The following AGMO variants were observed in gnomAD, a reference collection of about 807,000 sequenced individuals.
AGMO encodes glyceryl-ether monooxygenase.
A neutral mutation model predicts 60.2 loss-of-function variants in AGMO; 75 were observed. The observed-to-expected ratio is 1.25, with a 90% CI of 1.03 to 1.51. The LOEUF (loss-of-function observed/expected upper bound fraction) is 1.51, where lower values mean the gene tolerates loss of function less well. AGMO is among the 40% of genes most tolerant of loss of function. The pLI is 0.00. For synonymous variants in AGMO, 261 were observed against 177.1 expected (o/e 1.47, Z -3.76); for missense variants, 763 against 525.5 (o/e 1.45, Z -4.42).
At chr7:15,274,170 G>A (rs749663241) in intron 12 of AGMO, among the ~76,000 whole-genome samples, 4 of 152,188 alleles carry the variant, frequency 2.6e-5, no homozygotes, top group Non-Finnish European at 4.4e-5. Flanking sequence ...TTGAAAAGGA[G>A]TGGTGAGAGA....
intron 3 of AGMO, among the ~76,000 whole-genome samples, chr7:15,532,187 T>G (rs757553405): frequency 9.2e-5 from 14 of 152,214 alleles, no homozygotes; most frequent in Non-Finnish European, 2.1e-4. Context: ...TAAATATAAT[T>G]TTTGTTTTCT....
chr7:15,292,198 T>G (rs1019845564), intron 12 of AGMO, among the ~76,000 whole-genome samples: 18 of 152,194 alleles, frequency 1.2e-4, no homozygotes, highest in African/African-American at 3.9e-4. Context: ...GAGCAGAGAT[T>G]CTTCATCTTG....
intron 3 of AGMO, among the ~76,000 whole-genome samples, chr7:15,490,658 C>A (rs1040666176): frequency 5.9e-5 from 9 of 152,070 alleles, no homozygotes; most frequent in African/African-American, 2.2e-4. Flanking sequence ...ATAAACTGAA[C>A]AATCTGCAAG....
At chr7:15,280,511 A>C (rs1002769131) in intron 12 of AGMO, among the ~76,000 whole-genome samples, 1 of 152,004 alleles carries the variant, frequency 6.6e-6, no homozygotes, top group Non-Finnish European at 1.5e-5. Context: ...CCCTCCACCC[A>C]CCCTGATAGC....
At chr7:15,313,159 A>G (rs554687730) in intron 12 of AGMO, among the ~76,000 whole-genome samples, 47 of 152,306 alleles carry the variant, frequency 3.1e-4, no homozygotes, top group African/African-American at 1.1e-3. Flanking sequence ...TAAGTACACA[A>G]AGAAAACTCC....
chr7:15,274,703 T>C (rs1783727863), intron 12 of AGMO, among the ~76,000 whole-genome samples: 2 of 151,848 alleles, frequency 1.3e-5, no homozygotes, highest in African/African-American at 4.8e-5. Flanking sequence ...GGCTTTTTTT[T>C]TTTTGGTAGA....
At chr7:15,525,775 G>C (rs1240769084) in intron 3 of AGMO, among the ~76,000 whole-genome samples, 2 of 152,092 alleles carry the variant, frequency 1.3e-5, no homozygotes, top group Non-Finnish European at 2.9e-5. Context: ...GCTGGAGAGG[G>C]GTAACGGGCT....
chr7:15,491,067 A>C (rs1271735271), intron 3 of AGMO, among the ~76,000 whole-genome samples: 1 of 152,174 alleles, frequency 6.6e-6, no homozygotes, highest in Non-Finnish European at 1.5e-5. Flanking sequence ...TAATCTGCCC[A>C]TTGTTAAATT....
chr7:15,239,697 C>T (rs1371660961), intron 12 of AGMO, among the ~76,000 whole-genome samples: 1 of 152,100 alleles, frequency 6.6e-6, no homozygotes, highest in Non-Finnish European at 1.5e-5. Context: ...GTAAATCAAT[C>T]AGGGCGTTTT....
intron 10 of AGMO, among the ~76,000 whole-genome samples, chr7:15,384,104 A>G (rs1783813001): frequency 6.6e-6 from 1 of 151,536 alleles, no homozygotes; most frequent in Non-Finnish European, 1.5e-5. Flanking sequence ...CTGGCTACTT[A>G]TTTTTGTATT....
chr7:15,371,634 G>A (rs770221256), intron 10 of AGMO, among the ~76,000 whole-genome samples: 2 of 152,096 alleles, frequency 1.3e-5, no homozygotes, highest in Non-Finnish European at 2.9e-5. Flanking sequence ...CTGACCTCAG[G>A]TGATCTGCCT....
chr7:15,519,892 G>C (rs1360293987), intron 3 of AGMO, among the ~76,000 whole-genome samples: 1 of 150,880 alleles, frequency 6.6e-6, no homozygotes, highest in African/African-American at 2.4e-5. Context: ...GCCCATTGGT[G>C]TGCTGTATTC....
intron 2 of AGMO, among the ~76,000 whole-genome samples, chr7:15,556,946 A>G (rs1785159413): frequency 6.6e-6 from 1 of 152,028 alleles, no homozygotes; most frequent in African/African-American, 2.4e-5. Flanking sequence ...GGTTCTTAGG[A>G]CAGATGGACT....
the AGMO span, among the ~76,000 whole-genome samples, chr7:15,128,455 T>G: frequency 6.6e-6 from 1 of 152,274 alleles, no homozygotes; most frequent in East Asian, 1.9e-4. Flanking sequence ...ATAAAACTGT[T>G]GTTTATATGC....
chr7:15,450,149 G>A (rs1031137974), intron 3 of AGMO, among the ~76,000 whole-genome samples: 5 of 152,184 alleles, frequency 3.3e-5, no homozygotes, highest in Middle Eastern at 3.4e-3. Context: ...GGCCGGGCGC[G>A]GTGGCTCACG....
At chr7:15,414,448 A>G (rs1365856298) in intron 5 of AGMO, among the ~76,000 whole-genome samples, 1 of 151,800 alleles carries the variant, frequency 6.6e-6, no homozygotes, top group Non-Finnish European at 1.5e-5. Flanking sequence ...ATAGGAATGC[A>G]TATTTAATCC....
intron 10 of AGMO, among the ~76,000 whole-genome samples, chr7:15,384,097 G>C (rs1473168980): frequency 1.3e-5 from 2 of 152,010 alleles, no homozygotes; most frequent in Non-Finnish European, 2.9e-5. Flanking sequence ...ACCATGCCTG[G>C]CTACTTATTT....
chr7:15,271,678 C>T (rs1783615615), intron 12 of AGMO, among the ~76,000 whole-genome samples: 1 of 152,052 alleles, frequency 6.6e-6, no homozygotes, highest in Admixed American at 6.6e-5. Context: ...TGCCTGATTG[C>T]TATAGCTAAG....
chr7:15,527,258 G>A (rs77688401), intron 3 of AGMO, among the ~76,000 whole-genome samples: 1 of 152,056 alleles, frequency 6.6e-6, no homozygotes, highest in Non-Finnish European at 1.5e-5. Context: ...CAGCAAAGAA[G>A]TTCTTGAAAA....
Sources: gnomAD v4.1 joint callset for allele counts (sites outside exome capture counted in the v4.1 genomes callset) on GRCh38, gnomAD v4.1.1 for gene constraint, MANE v1.5 for transcripts, NCBI Gene and HGNC (gene_info 2026-07-23, HGNC 2026-07-21) for gene names.